The following CNTN4 variants were observed in gnomAD, a reference collection of about 807,000 sequenced individuals.
CNTN4 encodes the protein contactin-4.
Under a neutral mutation model 122.5 loss-of-function variants are expected in CNTN4, and 77 were observed. The ratio of observed to expected loss-of-function variants is 0.63; its 90% confidence interval spans 0.52 to 0.76. The LOEUF is 0.76. CNTN4 is among the 30% of genes least tolerant of loss of function. The pLI is 0.00. For missense variants in CNTN4, 1,256 were observed against 1,259.1 expected (o/e 1.00, Z 0.04); for synonymous variants, 512 against 447.0 (o/e 1.15, Z -1.83).
chr3:2,649,008 A>T (rs1401480004), intron 4 of CNTN4, among the ~76,000 whole-genome samples: 1 of 152,208 alleles, frequency 6.6e-6, no homozygotes, highest in Non-Finnish European at 1.5e-5. Flanking sequence ...CCTAATCCAA[A>T]GCAAGGCCCT....
At chr3:2,953,669 T>C (rs2094769694) in intron 13 of CNTN4, among the ~76,000 whole-genome samples, 2 of 152,196 alleles carry the variant, frequency 1.3e-5, no homozygotes, top group African/African-American at 2.4e-5. Flanking sequence ...TTGAATGATA[T>C]ATTCAACACC....
At chr3:2,504,946 G>A (rs1373910275) in intron 3 of CNTN4, among the ~76,000 whole-genome samples, 1 of 152,160 alleles carries the variant, frequency 6.6e-6, no homozygotes, top group East Asian at 1.9e-4. Flanking sequence ...TGTGATCCTT[G>A]ATTAGATCTT....
intron 4 of CNTN4, among the ~76,000 whole-genome samples, chr3:2,594,353 A>T (rs1169130457): frequency 1.3e-5 from 2 of 152,074 alleles, no homozygotes; most frequent in Admixed American, 6.5e-5. Flanking sequence ...TAGTAAATAG[A>T]TAATTTGGTA....
At chr3:2,816,929 C>T (rs1429451181) in intron 6 of CNTN4, among the ~76,000 whole-genome samples, 1 of 149,654 alleles carries the variant, frequency 6.7e-6, no homozygotes, top group Non-Finnish European at 1.5e-5. Flanking sequence ...TATGTGGAAA[C>T]ATTGCTGGTA....
chr3:2,397,495 T>G lies in CNTN4; in HGVS notation c.-89+58262T>G, dbSNP rs533654521. On this transcript the variant is annotated intron_variant, in intron 3 of 24. Coordinates refer to ENST00000418658, the MANE Select transcript of CNTN4 (RefSeq NM_175607.3). ...ATTAGTCTCCTTTTAGGTGCAAGTT[T>G]TTTTTTTTAGCAGTTTCTGGATATT... Among the ~76,000 whole-genome samples, 6 of 152,250 alleles carry G rather than the reference T, an allele frequency of 3.9e-5. No homozygotes were observed. The South Asian group carries it at 1.2e-3, about 32-fold the overall frequency.
chr3:2,620,100 C>A (rs2081938046), intron 4 of CNTN4, among the ~76,000 whole-genome samples: 1 of 152,150 alleles, frequency 6.6e-6, no homozygotes, highest in African/African-American at 2.4e-5. Flanking sequence ...TATTAAGATT[C>A]AATGTTTAAA....
At chr3:2,833,323 T>A (rs553579400) in intron 7 of CNTN4, among the ~76,000 whole-genome samples, 1 of 152,184 alleles carries the variant, frequency 6.6e-6, no homozygotes. Flanking sequence ...AAATAAACAT[T>A]GTAGCAAATT....
chr3:2,379,223 C>T (rs1397392185), intron 3 of CNTN4, among the ~76,000 whole-genome samples: 2 of 152,040 alleles, frequency 1.3e-5, no homozygotes, highest in Admixed American at 6.6e-5. Flanking sequence ...CTTTTCCTTT[C>T]CTTTTTTTGA....
rs1214952498 is a variant in CNTN4 at position 2,709,008 on chromosome 3, C to G, written c.56-27207C>G. On this transcript the variant is annotated intron_variant, in intron 4 of 24. Coordinates refer to ENST00000418658, the MANE Select transcript of CNTN4 (RefSeq NM_175607.3). The surrounding 1 kb of genome is among the most constrained non-coding windows in gnomAD (Gnocchi z 5.0). ...GTACGTATTTTAATGGGCGTTGCTA[C>G]TTGGATCTTCAGAATACATGATATA... Among the ~76,000 whole-genome samples, 1 of 152,130 alleles carries G rather than the reference C, an allele frequency of 6.6e-6. No individual in the cohort carries two copies. Among genetic ancestry groups the G allele is most frequent in the Non-Finnish European group, 1.5e-5 (1 of 68,024 alleles).
chr3:2,375,334 C>T (rs1247409663), intron 3 of CNTN4, among the ~76,000 whole-genome samples: 1 of 152,196 alleles, frequency 6.6e-6, no homozygotes, highest in African/African-American at 2.4e-5. Flanking sequence ...TGTCACAAGT[C>T]ATCCCAACAT....
At chr3:2,371,592 T>A (rs1278324859) in intron 3 of CNTN4, among the ~76,000 whole-genome samples, 4 of 152,254 alleles carry the variant, frequency 2.6e-5, no homozygotes, top group Non-Finnish European at 5.9e-5. Flanking sequence ...GTATAACATT[T>A]GTTGAATGAG....
At chr3:2,433,681 A>G (rs775212635) in intron 3 of CNTN4, among the ~76,000 whole-genome samples, 2 of 152,178 alleles carry the variant, frequency 1.3e-5, no homozygotes, top group African/African-American at 2.4e-5. Context: ...GGTCATATCT[A>G]AGAAATCTTT....
intron 2 of CNTN4, among the ~76,000 whole-genome samples, chr3:2,192,457 G>GCTT (rs745747438): frequency 2.0e-4 from 30 of 152,290 alleles, no homozygotes; most frequent in Non-Finnish European, 3.4e-4. Flanking sequence ...AAACTAAAGA[G>GCTT]CTTCTGCACA....
chr3:2,552,597 A>T (rs2078554549), intron 3 of CNTN4, among the ~76,000 whole-genome samples: 1 of 152,200 alleles, frequency 6.6e-6, no homozygotes, highest in Non-Finnish European at 1.5e-5. Flanking sequence ...AGGCACAGAA[A>T]AGGTGATTTA....
At chr3:2,995,043 T>C (rs73116661) in intron 14 of CNTN4, among the ~76,000 whole-genome samples, 64 of 152,280 alleles carry the variant, frequency 4.2e-4, no homozygotes, top group African/African-American at 1.5e-3. Context: ...CCTAGGCATC[T>C]AGAGTAGGAA....
chr3:2,673,754 G>T (rs1462368682), intron 4 of CNTN4, among the ~76,000 whole-genome samples: 1 of 152,124 alleles, frequency 6.6e-6, no homozygotes, highest in Non-Finnish European at 1.5e-5. Flanking sequence ...ATGTTAGCCA[G>T]GATGGTCTTG....
intron 3 of CNTN4, among the ~76,000 whole-genome samples, chr3:2,459,347 C>T (rs2049118375): frequency 1.3e-5 from 2 of 152,082 alleles, no homozygotes; most frequent in South Asian, 4.1e-4. Context: ...GGACACATGC[C>T]ATGATATCTC....
intron 4 of CNTN4, among the ~76,000 whole-genome samples, chr3:2,609,993 T>C (rs1341511908): frequency 6.6e-6 from 1 of 152,194 alleles, no homozygotes; most frequent in East Asian, 1.9e-4. Context: ...AGGTTAGAGA[T>C]GATATCTTCT....
intron 13 of CNTN4, among the ~76,000 whole-genome samples, chr3:2,975,621 C>G (rs981464911): frequency 6.6e-6 from 1 of 152,104 alleles, no homozygotes; most frequent in Non-Finnish European, 1.5e-5. Context: ...GTCTCTTGGT[C>G]CATTTCTGTC....
Sources: allele counts gnomAD v4.1 joint callset (sites outside exome capture counted in the v4.1 genomes callset), GRCh38; gene constraint gnomAD v4.1.1; non-coding constraint Gnocchi (gnomAD v3.1); transcripts MANE v1.5; gene names NCBI Gene and HGNC (gene_info 2026-07-23, HGNC 2026-07-21).